Variants in GRAMD1B observed in about 807,000 individuals in gnomAD.
GRAMD1B encodes GRAM domain containing 1B, also known as protein Aster-B.
A neutral mutation model predicts 99.7 loss-of-function variants in GRAMD1B; 37 were observed. The observed-to-expected ratio is 0.37, with a 90% CI of 0.29 to 0.49. The LOEUF is 0.49. Ranked by LOEUF, GRAMD1B falls within the 20% of genes least tolerant of loss-of-function variation. The probability of loss-of-function intolerance (pLI) is 0.98; values close to 1 mark genes in which losing one functional copy is unlikely to be tolerated. For missense variants in GRAMD1B, 888 were observed against 1,009.2 expected, an observed-to-expected ratio of 0.88 and a Z score of 1.63; for synonymous variants, 427 against 387.6, an observed-to-expected ratio of 1.10 and a Z score of -1.19.
chr11:123,565,163 G>A (rs1947214163), intron 2 of GRAMD1B, among the ~76,000 whole-genome samples: 1 of 151,506 alleles, frequency 6.6e-6, no homozygotes, highest in Non-Finnish European at 1.5e-5. Flanking sequence ...CCCCTGAACA[G>A]CTGGGACTAC....
upstream of GRAMD1B, chr11:123,430,260 C>CCT (rs34538887): frequency 0.24 from 33,685 of 143,314 alleles, 4,590 homozygotes; most frequent in Non-Finnish European, 0.32. Context: ...TGTCTCGCTT[C>CCT]CTCTCTCTCT....
At chr11:123,439,456 G>A (rs192934352) in intron 1 of GRAMD1B, among the ~76,000 whole-genome samples, 2 of 152,260 alleles carry the variant, frequency 1.3e-5, no homozygotes, top group African/African-American at 4.8e-5. Flanking sequence ...CATATAGCTC[G>A]AAATCCTCAC....
At chr11:123,518,313 A>G (rs1449042029) in intron 2 of GRAMD1B, among the ~76,000 whole-genome samples, 2 of 152,170 alleles carry the variant, frequency 1.3e-5, no homozygotes, top group African/African-American at 4.8e-5. Context: ...TGAAGGGGAA[A>G]GTGGGATAGA....
At chr11:123,418,279 T>C (rs1948300260) in intron 1 of GRAMD1B, among the ~76,000 whole-genome samples, 2 of 152,146 alleles carry the variant, frequency 1.3e-5, no homozygotes. Flanking sequence ...CACAAGTCTG[T>C]CAGGGTTTCC....
chr11:123,400,143 G>A (rs904889070), intron 1 of GRAMD1B, among the ~76,000 whole-genome samples: 2 of 151,874 alleles, frequency 1.3e-5, no homozygotes, highest in African/African-American at 4.8e-5. Flanking sequence ...GTCCATTTGG[G>A]GTACTGTAAC....
upstream of GRAMD1B, among the ~76,000 whole-genome samples, chr11:123,426,391 T>C (rs1948651284): frequency 6.6e-6 from 1 of 152,228 alleles, no homozygotes; most frequent in Non-Finnish European, 1.5e-5. Flanking sequence ...TCTACAGAAA[T>C]GCATTTCCTC....
Position 123,396,518 on chromosome 11 carries a change from C to G in GRAMD1B, c.-176+37719C>G, listed in dbSNP as rs149061063. On this transcript the variant is annotated intron_variant, in intron 1 of 20. Coordinates refer to the GRAMD1B transcript ENST00000638157. Reference sequence around the variant, plus strand: ...CTCGAACTCCTGACCTCAGGGGATCCGCCCGCCTCAGCCTCCCAAAGTGCT... The same window carrying G: ...CTCGAACTCCTGACCTCAGGGGATCGGCCCGCCTCAGCCTCCCAAAGTGCT... Among the ~76,000 whole-genome samples the G allele has an allele frequency of 7.8e-4, 119 of 152,190 alleles. 1 individual carries two copies. The highest frequency in any genetic ancestry group is 3.4e-3 in the Middle Eastern group (1 of 294).
At chr11:123,552,432 G>A (rs1228567929) in intron 2 of GRAMD1B, among the ~76,000 whole-genome samples, 4 of 151,714 alleles carry the variant, frequency 2.6e-5, no homozygotes, top group African/African-American at 4.8e-5. Context: ...GCATCACCAC[G>A]CCCAGCTAAT....
chr11:123,474,410 C>T (rs1483602082), intron 1 of GRAMD1B, among the ~76,000 whole-genome samples: 1 of 152,182 alleles, frequency 6.6e-6, no homozygotes, highest in Non-Finnish European at 1.5e-5. Context: ...CTAGAATGTG[C>T]GTCTCTCTGA....
chr11:123,612,716 G>A (rs1424566815), intron 14 of GRAMD1B, 45 bp from the exon 15 acceptor site: 5 of 1,064,136 alleles, frequency 4.7e-6, no homozygotes, highest in South Asian at 4.0e-5. Flanking sequence ...GCAGAGGCAG[G>A]CCCACCCAGG....
chr11:123,376,571 G>A (rs368459275), intron 1 of GRAMD1B, among the ~76,000 whole-genome samples: 97 of 152,296 alleles, frequency 6.4e-4, no homozygotes, highest in African/African-American at 2.3e-3. Flanking sequence ...AGAGACTTGA[G>A]AATTGAAATC....
intron 2 of GRAMD1B, among the ~76,000 whole-genome samples, chr11:123,538,390 A>C (rs142633152): frequency 1.3e-5 from 2 of 152,156 alleles, no homozygotes; most frequent in Non-Finnish European, 2.9e-5. Context: ...CCTTTTGAAA[A>C]CAGCTTCATT....
At chr11:123,494,616 C>T (rs894860636) in intron 2 of GRAMD1B, among the ~76,000 whole-genome samples, 10 of 152,178 alleles carry the variant, frequency 6.6e-5, no homozygotes, top group African/African-American at 2.2e-4. Context: ...TTCTCCTACT[C>T]TAGCCCTTCT....
chr11:123,537,780 A>G (rs1944115922), intron 2 of GRAMD1B, among the ~76,000 whole-genome samples: 1 of 152,234 alleles, frequency 6.6e-6, no homozygotes, highest in Non-Finnish European at 1.5e-5. Context: ...CAGTATGTTC[A>G]TAGCAGCAAT....
chr11:123,580,472 A>G (rs1006819727), intron 3 of GRAMD1B, among the ~76,000 whole-genome samples: 1 of 152,142 alleles, frequency 6.6e-6, no homozygotes, highest in Non-Finnish European at 1.5e-5. Flanking sequence ...ACCATGCCTT[A>G]TATTTTTTGG....
intron 2 of GRAMD1B, among the ~76,000 whole-genome samples, chr11:123,549,883 G>A (rs557357470): frequency 6.6e-6 from 1 of 152,238 alleles, no homozygotes; most frequent in African/African-American, 2.4e-5. Context: ...TGCCCTGGGG[G>A]AGGGTGACTG....
chr11:123,368,635 G>A (rs1327780628), intron 1 of GRAMD1B, among the ~76,000 whole-genome samples: 2 of 121,196 alleles, frequency 1.7e-5, no homozygotes, highest in Admixed American at 1.2e-4. Context: ...AGCTGAGATC[G>A]CATCACTGTA....
At chr11:123,393,075 T>C (rs1431316107) in intron 1 of GRAMD1B, among the ~76,000 whole-genome samples, 16 of 152,214 alleles carry the variant, frequency 1.1e-4, no homozygotes, top group Admixed American at 1.0e-3. Context: ...CTGTGACTAA[T>C]AAATGAGCTT....
intron 1 of GRAMD1B, among the ~76,000 whole-genome samples, chr11:123,365,313 G>A (rs545991409): frequency 3.2e-4 from 48 of 151,068 alleles, no homozygotes; most frequent in African/African-American, 1.1e-3. Context: ...GTGCAGTGGC[G>A]CAATCTCAGC....
Sources: gnomAD v4.1 joint callset for allele counts (sites outside exome capture counted in the v4.1 genomes callset) on GRCh38, gnomAD v4.1.1 for gene constraint, MANE v1.5 for transcripts, NCBI Gene and HGNC (gene_info 2026-07-23, HGNC 2026-07-21) for gene names.